Variants in MEIOSIN observed in about 807,000 individuals in gnomAD.
MEIOSIN encodes the protein meiosis initiator protein.
In MEIOSIN, 18 loss-of-function variants were observed where a neutral mutation model predicts 23.4. The ratio of observed to expected loss-of-function variants is 0.77; its 90% CI spans 0.53 to 1.14. The LOEUF is 1.14. Among genes scored for constraint, MEIOSIN ranks in the 50% most tolerant of loss-of-function variants. The pLI, the probability that MEIOSIN is intolerant of heterozygous loss-of-function variation, is 0.00. For synonymous variants in MEIOSIN, 187 were observed against 100.6 expected (o/e 1.86, Z -5.14); for missense variants, 428 against 242.9 (o/e 1.76, Z -5.07).
At chr19:45,748,930 G>A (rs1380522865) in intron 4 of MEIOSIN, among the ~76,000 whole-genome samples, 4 of 152,008 alleles carry the variant, frequency 2.6e-5, no homozygotes, top group Middle Eastern at 3.4e-3. Flanking sequence ...TTAGCCAAGC[G>A]TGGTGGCACA....
rs1968569521 is a variant in MEIOSIN, at chr19:45,745,174, G to T, written c.177-18G>T. 2.8e-6 allele frequency: 2 copies of T among 702,286 alleles called. No individual in the cohort carries two copies. Among genetic ancestry groups the T allele is most frequent in the Non-Finnish European group, 5.2e-6 (2 of 384,798 alleles). 43.5% of individuals were successfully genotyped at this position (702,286 alleles called of 1,614,324 possible). ...GTTTTGGATGTCCTAACCAAAACCA[G>T]CTCCTGTCCCCAAACAGGAATCAGA... On this transcript the variant is annotated intron_variant, in intron 3 of 14. Coordinates refer to ENST00000457052, the MANE Select transcript of MEIOSIN (RefSeq NM_001310124.2).
intron 3 of MEIOSIN, among the ~76,000 whole-genome samples, chr19:45,744,839 G>A (rs1263576747): frequency 2.6e-5 from 4 of 152,188 alleles, no homozygotes; most frequent in Admixed American, 6.6e-5. Context: ...GCAAGAGAGT[G>A]ACGTGGTCAG....
At position 45,748,234 on chromosome 19, in the gene MEIOSIN, C is replaced by T. The variant is rs987794038; in HGVS notation, c.307-2441C>T. On this transcript the variant is annotated intron_variant, in intron 4 of 14. Coordinates refer to ENST00000457052, the MANE Select transcript of MEIOSIN (RefSeq NM_001310124.2). Reference sequence around the variant, plus strand: ...CTGGGACTACAGGTGCCCGCCACCACGCCCGGCCAATTAGTTTTTGTATTT... The same window carrying T: ...CTGGGACTACAGGTGCCCGCCACCATGCCCGGCCAATTAGTTTTTGTATTT... Among the ~76,000 whole-genome samples the T allele has an allele frequency of 3.3e-5, 5 of 152,278 alleles. No homozygotes were observed. The South Asian group carries it at 8.3e-4, about 25-fold the overall frequency.
At chr19:45,756,650 G>A (rs1384835471) in intron 8 of MEIOSIN, among the ~76,000 whole-genome samples, 3 of 151,934 alleles carry the variant, frequency 2.0e-5, no homozygotes, top group Non-Finnish European at 2.9e-5. Context: ...TCTTGAACTC[G>A]TAGGCTCAAG....
rs549855875 is a variant in MEIOSIN, at chr19:45,755,300, C to T, written c.802+576C>T. On this transcript the variant is annotated intron_variant, in intron 7 of 14. Transcript: ENST00000457052. ...GAGTAGCTGGGATTACAGGCGCGCA[C>T]CACCACGCCCAGCTAATTTTTGTAT... Among the ~76,000 whole-genome samples the T allele has an allele frequency of 1.9e-4, 29 of 151,920 alleles. 1 individual carries two copies. The South Asian group carries it at 5.8e-3, about 31-fold the overall frequency.
intron 9 of MEIOSIN, 99 bp from the exon 10 acceptor site, chr19:45,758,779 T>C (rs1248919837): frequency 1.6e-6 from 1 of 622,480 alleles, no homozygotes; most frequent in South Asian, 1.8e-5. Context: ...TGAGATTCGC[T>C]TTCCGTAGCA....
At chr19:45,758,059 A>G (rs1054065795) in intron 9 of MEIOSIN, among the ~76,000 whole-genome samples, 4 of 151,096 alleles carry the variant, frequency 2.6e-5, no homozygotes, top group African/African-American at 9.7e-5. Flanking sequence ...GTGCAGTGGC[A>G]CTATCTCAGT....
rs1489957684 is a variant in MEIOSIN at position 45,751,692 on chromosome 19, G to A, written c.418+906G>A. ...CAGCACCCAGCACATCTAGCCTTAG[G>A]GGACTGCTATGTTCCAGGTGCTGTG... On this transcript the variant is annotated intron_variant, in intron 5 of 14. Transcript: ENST00000457052. Among the ~76,000 whole-genome samples, 27 of 150,046 alleles carry A rather than the reference G, an allele frequency of 1.8e-4. No homozygotes were observed. In the East Asian group the frequency reaches 5.3e-3, roughly 30 times the overall value.
At chr19:45,763,828 C>A (rs1315236934) in intron 14 of MEIOSIN, 143 bp from the exon 15 acceptor site, 5 of 397,536 alleles carry the variant, frequency 1.3e-5, no homozygotes, top group Non-Finnish European at 1.8e-5. Flanking sequence ...ATCTTACTGA[C>A]TGGGACTTGG....
chr19:45,740,039 G>A (rs1968475365), intron 3 of MEIOSIN, among the ~76,000 whole-genome samples: 1 of 152,100 alleles, frequency 6.6e-6, no homozygotes, highest in Non-Finnish European at 1.5e-5. Context: ...AGTAGAAACA[G>A]GGTTTCACCA....
At chr19:45,753,583 A>G (rs1940609722) in intron 5 of MEIOSIN, 68 bp from the exon 6 acceptor site, 1 of 649,680 alleles carries the variant, frequency 1.5e-6, no homozygotes, top group South Asian at 1.7e-5. Flanking sequence ...ATTGTCTGGA[A>G]GGCAGGAACT....
chr19:45,760,679 A>G (rs138133937), intron 11 of MEIOSIN, among the ~76,000 whole-genome samples: 1 of 152,194 alleles, frequency 6.6e-6, no homozygotes, highest in African/African-American at 2.4e-5. Context: ...CTATACTTCT[A>G]GCACTTTGGG....
At position 45,755,900 on chromosome 19, in the gene MEIOSIN, G is replaced by T. The variant is rs577046901; in HGVS notation, c.803-70G>T. ...GTGTGGCAGAAGCTGGCACCCCTTT[G>T]TCCCCTGCTTCTGGGCTTCCTGGAA... is the stretch of plus-strand genomic sequence containing the variant. On this transcript the variant is annotated intron_variant, in intron 7 of 14. Transcript: ENST00000457052. 12 of 670,570 alleles carry T rather than the reference G, an allele frequency of 1.8e-5. 1 individual carries two copies. Among genetic ancestry groups the T allele is most frequent in the East Asian group, 1.4e-4 (5 of 36,990 alleles). 41.5% of individuals were successfully genotyped at this position (670,570 alleles called of 1,614,324 possible).
chr19:45,760,566 G>A (rs755081254), intron 11 of MEIOSIN, among the ~76,000 whole-genome samples: 3 of 151,662 alleles, frequency 2.0e-5, no homozygotes, highest in Non-Finnish European at 2.9e-5. Context: ...AGATGGCACC[G>A]TTGGACTGCA....
intron 9 of MEIOSIN, among the ~76,000 whole-genome samples, chr19:45,758,431 T>C (rs775720755): frequency 2.7e-5 from 4 of 146,956 alleles, no homozygotes; most frequent in Non-Finnish European, 4.5e-5. Flanking sequence ...TTTCTTCTTC[T>C]TTTTTTTTTA....
At chr19:45,758,631 T>G (rs1462606766) in intron 9 of MEIOSIN, among the ~76,000 whole-genome samples, 1 of 152,136 alleles carries the variant, frequency 6.6e-6, no homozygotes, top group African/African-American at 2.4e-5. Context: ...GGTTTCACCA[T>G]GTTAGCCAGG....
Position 45,763,986 on chromosome 19 carries a change from G to A in MEIOSIN, c.1785G>A (p.Arg595=). ...GTCTCCCCAGCACCAAGGCTCGCAG[G>A]TTCAGCCGCCAGCACAACCGCATCG... ...ERRPYCTKAR[R]FSRQHNRIVK... The change falls in exon 15 of 15, where the codon AGG becomes AGA. Residue 595 remains arginine, a synonymous_variant. Coordinates refer to ENST00000457052, the MANE Select transcript of MEIOSIN (RefSeq NM_001310124.2). The A allele has an allele frequency of 2.5e-6, 1 of 398,724 alleles. No individual in the cohort carries two copies. 24.7% of individuals were successfully genotyped at this position (398,724 alleles called of 1,614,324 possible). A position where few individuals can be genotyped will look rare whatever the true frequency, so the allele number is the denominator to read the frequency against.
chr19:45,738,430 C>T (rs138979099), intron 2 of MEIOSIN, among the ~76,000 whole-genome samples: 3 of 152,350 alleles, frequency 2.0e-5, no homozygotes, highest in Non-Finnish European at 4.4e-5. Flanking sequence ...CCAGCCTGGC[C>T]AACAGGGCAA....
chr19:45,758,997 G>A lies in MEIOSIN; in HGVS notation c.1132G>A (p.Glu378Lys), dbSNP rs1214952816. Reference protein sequence around the residue: ...FSSPGKLLPDEILEDDMEYLT... With the variant: ...FSSPGKLLPDKILEDDMEYLT... The stretch of plus-strand genomic sequence containing the variant: ...CTCCCCAGGGAAACTGCTGCCAGAC[G>A]AGATCTTGGAGGATGACATGGAGTA... Residue 378 changes from glutamate to lysine, a missense_variant, in exon 10 of 15, where the codon GAG (glutamate) becomes AAG (lysine). By Grantham distance (56) the Glu-to-Lys change is moderately conservative. Coordinates refer to ENST00000457052, the MANE Select transcript of MEIOSIN (RefSeq NM_001310124.2). The A allele has an allele frequency of 7.1e-6, 5 of 702,994 alleles. No individual in the cohort carries two copies. Among genetic ancestry groups the A allele is most frequent in the African/African-American group, 5.2e-5 (3 of 57,280 alleles). The allele number at this position is 702,994 out of a possible 1,614,324, so 43.5% of individuals were successfully genotyped here.
Sources: allele counts gnomAD v4.1 joint callset (sites outside exome capture counted in the v4.1 genomes callset), GRCh38; gene constraint gnomAD v4.1.1; transcripts MANE v1.5; gene names NCBI Gene and HGNC (gene_info 2026-07-23, HGNC 2026-07-21).